Variants in MYO18B observed in about 807,000 individuals in gnomAD.
MYO18B encodes unconventional myosin-XVIIIb.
MYO18B carries 204 observed loss-of-function variants against 273.0 expected under a neutral mutation model. The observed-to-expected ratio is 0.75, with a 90% CI of 0.67 to 0.84. MYO18B has a LOEUF of 0.84. MYO18B is among the 40% of genes least tolerant of loss of function. The probability of loss-of-function intolerance (pLI) is 0.00; values close to 1 mark genes in which losing one functional copy is unlikely to be tolerated. For missense variants in MYO18B, 3,212 were observed against 3,287.6 expected, an observed-to-expected ratio of 0.98 and a Z score of 0.56; for synonymous variants, 1,330 against 1,305.7, an observed-to-expected ratio of 1.02 and a Z score of -0.40.
intron 21 of MYO18B, among the ~76,000 whole-genome samples, chr22:25,864,168 A>G (rs1173925369): frequency 2.0e-5 from 3 of 152,178 alleles, no homozygotes; most frequent in Admixed American, 6.5e-5. Context: ...AGAGAGAGAG[A>G]CAGAGCTGGG....
chr22:26,031,159 CA>C (rs1936657100), downstream of MYO18B: 1 of 384,152 alleles, frequency 2.6e-6, no homozygotes, highest in East Asian at 3.7e-5. Flanking sequence ...TGTGTGCCCA[CA>C]TTTAGGTAGC....
chr22:25,748,906 A>G (rs921752012), intron 1 of MYO18B, among the ~76,000 whole-genome samples: 7 of 152,176 alleles, frequency 4.6e-5, no homozygotes, highest in Non-Finnish European at 2.9e-5. Context: ...TTGGCCATCA[A>G]ACTCCAGGCT....
intron 42 of MYO18B, among the ~76,000 whole-genome samples, chr22:26,023,869 C>G (rs768258630): frequency 1.8e-4 from 27 of 152,132 alleles, no homozygotes; most frequent in Non-Finnish European, 3.7e-4. Flanking sequence ...GCTGTGTATT[C>G]GAGGAGGGAT....
the MYO18B span, among the ~76,000 whole-genome samples, chr22:26,061,325 A>T: frequency 2.0e-5 from 3 of 152,080 alleles, no homozygotes; most frequent in Non-Finnish European, 4.4e-5. Flanking sequence ...TTGGATCCTG[A>T]CAGGTCCAGG....
intron 3 of MYO18B, among the ~76,000 whole-genome samples, chr22:25,767,188 T>G (rs958461076): frequency 6.6e-6 from 1 of 152,180 alleles, no homozygotes; most frequent in Non-Finnish European, 1.5e-5. Flanking sequence ...ACCTGTGAGC[T>G]CTTCAGGCCA....
chr22:25,823,464 C>T, intron 12 of MYO18B, 41 bp from the exon 13 acceptor site: 2 of 1,599,482 alleles, frequency 1.3e-6, no homozygotes, highest in Non-Finnish European at 1.7e-6. Flanking sequence ...ACCCCATGCC[C>T]AAGGCCTCAC....
chr22:25,842,510 TA>T (rs1296309295), intron 17 of MYO18B, among the ~76,000 whole-genome samples: 2 of 151,590 alleles, frequency 1.3e-5, no homozygotes, highest in East Asian at 1.9e-4. Flanking sequence ...CCATCCCTAC[TA>T]AAAATACAAA....
At chr22:25,910,100 G>A (rs1171332294) in intron 32 of MYO18B, among the ~76,000 whole-genome samples, 1 of 152,186 alleles carries the variant, frequency 6.6e-6, no homozygotes, top group Non-Finnish European at 1.5e-5. Flanking sequence ...TAATTGCTGA[G>A]AAATCAGAGC....
At chr22:25,878,133 G>A in intron 25 of MYO18B, 85 bp downstream of exon 25, 2 of 1,080,824 alleles carry the variant, frequency 1.9e-6, no homozygotes, top group Non-Finnish European at 2.7e-6. Flanking sequence ...TGATATGCCT[G>A]AAAGCATGCT....
Position 25,871,974 on chromosome 22 carries a change from AT to A in MYO18B, c.3952-2310del, listed in dbSNP as rs2091059358. On this transcript the variant is annotated intron_variant, in intron 22 of 43. Transcript: ENST00000335473. ...ATCTGGTGCTGTCATAACTTTGATC[AT>A]TGATTTTTTTTTTATAGCAGCTTTT... Among the ~76,000 whole-genome samples, 11 of 115,636 alleles carry A rather than the reference AT, an allele frequency of 9.5e-5. No individual in the cohort carries two copies. The South Asian group carries it at 3.9e-3, about 41-fold the overall frequency. 75.9% of individuals were successfully genotyped at this position (115,636 alleles called of 152,430 possible).
intron 17 of MYO18B, among the ~76,000 whole-genome samples, chr22:25,843,417 T>C (rs1368526947): frequency 1.3e-5 from 2 of 152,164 alleles, no homozygotes; most frequent in Admixed American, 1.3e-4. Context: ...TGTAAGTCGA[T>C]TTAAAGAAAA....
At chr22:25,853,330 GTTC>G (rs1193032297) in intron 21 of MYO18B, among the ~76,000 whole-genome samples, 1 of 152,232 alleles carries the variant, frequency 6.6e-6, no homozygotes, top group Non-Finnish European at 1.5e-5. Flanking sequence ...TGTCTTCTTA[GTTC>G]TTCTTTGCAG....
At chr22:25,754,148 A>C (rs562531933) in intron 1 of MYO18B, among the ~76,000 whole-genome samples, 1 of 152,248 alleles carries the variant, frequency 6.6e-6, no homozygotes, top group Non-Finnish European at 1.5e-5. Context: ...CTGGAGGAGG[A>C]GTAGGGTGGG....
intron 33 of MYO18B, among the ~76,000 whole-genome samples, chr22:25,918,996 G>C (rs1211414120): frequency 1.3e-5 from 2 of 152,108 alleles, no homozygotes; most frequent in Non-Finnish European, 2.9e-5. Flanking sequence ...CATATCAGTT[G>C]TTCCTCCATG....
chr22:25,780,959 G>A (rs1311127720), intron 9 of MYO18B, among the ~76,000 whole-genome samples: 1 of 152,158 alleles, frequency 6.6e-6, no homozygotes, highest in East Asian at 1.9e-4. Flanking sequence ...CAAACATCCT[G>A]TTTGAACAGA....
At chr22:25,980,163 C>T (rs558708504) in intron 39 of MYO18B, among the ~76,000 whole-genome samples, 26 of 152,260 alleles carry the variant, frequency 1.7e-4, no homozygotes, top group African/African-American at 5.8e-4. Flanking sequence ...TCCGTTTTGG[C>T]CCCTGGTATC....
intron 23 of MYO18B, among the ~76,000 whole-genome samples, chr22:25,874,805 T>A (rs1032178256): frequency 1.3e-5 from 2 of 152,160 alleles, no homozygotes; most frequent in African/African-American, 4.8e-5. Context: ...TCTTCAGAGA[T>A]CTCTGGAGAC....
At chr22:25,924,204 G>A (rs1429243037) in intron 34 of MYO18B, among the ~76,000 whole-genome samples, 1 of 152,354 alleles carries the variant, frequency 6.6e-6, no homozygotes, top group African/African-American at 2.4e-5. Flanking sequence ...GGGCATTGCT[G>A]CATCTCCTCT....
intron 34 of MYO18B, 133 bp downstream of exon 34, chr22:25,921,542 G>A (rs1458407498): frequency 2.6e-6 from 3 of 1,174,664 alleles, no homozygotes; most frequent in African/African-American, 3.1e-5. Flanking sequence ...CAGGGAGATG[G>A]GGGGCATTTC....
Sources: allele counts gnomAD v4.1 joint callset (sites outside exome capture counted in the v4.1 genomes callset), GRCh38; gene constraint gnomAD v4.1.1; transcripts MANE v1.5; gene names NCBI Gene and HGNC (gene_info 2026-07-23, HGNC 2026-07-21).